The following GAREM1 variants were observed in gnomAD, a reference collection of about 807,000 sequenced individuals.
GAREM1 encodes GRB2-associated and regulator of MAPK protein 1.
Under a neutral mutation model 71.3 loss-of-function variants are expected in GAREM1, and 26 were observed. The observed-to-expected ratio is 0.36, with a 90% confidence interval of 0.27 to 0.51. GAREM1 has a LOEUF of 0.51. Ranked by LOEUF, GAREM1 falls within the 20% of genes least tolerant of loss-of-function variation. The pLI, the probability that GAREM1 is intolerant of heterozygous loss-of-function variation, is 0.95. For synonymous variants in GAREM1, 440 were observed against 433.2 expected (o/e 1.02, Z -0.20); for missense variants, 1,026 against 1,103.1 (o/e 0.93, Z 0.99).
At position 32,287,101 on chromosome 18, in the gene GAREM1, G is replaced by A. The variant is rs763060369; in HGVS notation, c.1496C>T (p.Thr499Ile). 6 of 1,614,058 alleles carry A rather than the reference G, an allele frequency of 3.7e-6. No individual in the cohort carries two copies. Among genetic ancestry groups the A allele is most frequent in the South Asian group, 2.2e-5 (2 of 91,080 alleles). The change falls in exon 4 of 6, where the codon ACT (threonine) becomes ATT (isoleucine). Residue 499 changes from threonine to isoleucine, a missense_variant. Transcript: ENST00000269209. This position sits in a 1 kb window ranked among gnomAD's most constrained non-coding sequence, Gnocchi z 5.9. ...CATSPLPIPGTLGAAVKSSDT... is the reference protein window; with the variant it reads ...CATSPLPIPGILGAAVKSSDT... ...TGAAGACTTCACTGCTGCTCCCAGA[G>A]TCCCAGGGATGGGAAGAGGAGAAGT...
At chr18:32,327,535 C>T (rs560057835) in intron 2 of GAREM1, among the ~76,000 whole-genome samples, 42 of 152,094 alleles carry the variant, frequency 2.8e-4, no homozygotes, top group African/African-American at 9.4e-4. Flanking sequence ...ATAGAGATTG[C>T]AATACCTAAA....
Position 32,270,377 on chromosome 18 carries a change from C to T in GAREM1, c.1573G>A (p.Glu525Lys). The T allele has an allele frequency of 1.2e-6, 2 of 1,611,500 alleles. No homozygotes were observed. The highest frequency in any genetic ancestry group is 8.5e-7 in the Non-Finnish European group (1 of 1,179,120). Residue 525 changes from glutamate to lysine, a missense_variant, in exon 5 of 6, where the codon GAA becomes AAA. By Grantham distance (56) the Glu-to-Lys change is moderately conservative (BLOSUM62 1). Around this residue, in one of 3 missense-constraint regions of GAREM1, gnomAD observed 636 missense variants for 631.2 expected, o/e 1.01. Coordinates refer to ENST00000269209, the MANE Select transcript of GAREM1 (RefSeq NM_001242409.2). ...GGGGCGTTCAGGAGCCGGCATTCTT[C>T]TCTGACCTGGCGCAGAAAAGAACAC... ...PVPPKSEAVREECRLLNAPPV... is the reference protein window; with the variant it reads ...PVPPKSEAVRKECRLLNAPPV...
chr18:32,392,962 A>C lies in GAREM1; in HGVS notation c.195T>G (p.Thr65=). 1.2e-6 allele frequency: 2 copies of C among 1,613,886 alleles called. No homozygotes were observed. Among genetic ancestry groups the C allele is most frequent in the Non-Finnish European group, 1.7e-6 (2 of 1,179,870 alleles). The change falls in exon 2 of 6, where the codon ACT becomes ACG. Residue 65 remains threonine (T), a synonymous_variant. Transcript: ENST00000269209. ...IHSCRQWTTI[T]AHSLEEGHYV... is the part of the protein sequence containing the mutation. ...AGTGACCCTCCTCCAAGCTGTGGGC[A>C]GTGATGGTGGTCCACTGGCGGCAGG...
At chr18:32,293,072 A>G (rs1025716392) in intron 3 of GAREM1, among the ~76,000 whole-genome samples, 2 of 152,104 alleles carry the variant, frequency 1.3e-5, no homozygotes, top group East Asian at 1.9e-4. Flanking sequence ...TGGGGTTTGG[A>G]TTGAAATTAG....
Position 32,346,895 on chromosome 18 carries a change from G to C in GAREM1, c.263-36572C>G, listed in dbSNP as rs577708290. ...AAAAGAACTTCCTACAAAAGGGAAAGAGGCCGGTCACCAGGGCTGAAGAGG... is the reference window on the plus strand; with the variant it reads ...AAAAGAACTTCCTACAAAAGGGAAACAGGCCGGTCACCAGGGCTGAAGAGG... On this transcript the variant is annotated intron_variant, in intron 2 of 5. Transcript: ENST00000269209. Among the ~76,000 whole-genome samples, 64 of 152,322 alleles carry C rather than the reference G, an allele frequency of 4.2e-4. No individual in the cohort carries two copies. The South Asian group carries it at 7.1e-3, about 17-fold the overall frequency.
At chr18:32,468,960 T>TCCCCCCCCCCCCCCCCCCCCCC (rs34977174) in intron 1 of GAREM1, among the ~76,000 whole-genome samples, 19 of 82,164 alleles carry the variant, frequency 2.3e-4, no homozygotes, top group African/African-American at 4.4e-4. Context: ...CACCTGTGCG[T>TCCCCCCCCCCCCCCCCCCCCCC]CCCCCCCCCC....
chr18:32,293,339 TC>T (rs1230005226), intron 3 of GAREM1, among the ~76,000 whole-genome samples: 1 of 152,046 alleles, frequency 6.6e-6, no homozygotes, highest in Non-Finnish European at 1.5e-5. Context: ...AGTAAGGTGC[TC>T]ATAAGATGAT....
At chr18:32,333,371 C>G (rs2047556138) in intron 2 of GAREM1, among the ~76,000 whole-genome samples, 1 of 151,954 alleles carries the variant, frequency 6.6e-6, no homozygotes, top group South Asian at 2.1e-4. Context: ...GAAGAGGAGT[C>G]CCAAGGAGAG....
At chr18:32,269,337 A>G (rs1419591837) in intron 5 of GAREM1, among the ~76,000 whole-genome samples, 2 of 152,238 alleles carry the variant, frequency 1.3e-5, no homozygotes, top group Admixed American at 6.5e-5. Context: ...GAGAACAAAA[A>G]GTACCTGCAA....
intron 1 of GAREM1, among the ~76,000 whole-genome samples, chr18:32,452,714 C>T (rs187888495): frequency 1.3e-5 from 2 of 152,270 alleles, no homozygotes; most frequent in East Asian, 3.9e-4. Context: ...GCAGCAGGCA[C>T]ATGCTCCACA....
intron 1 of GAREM1, among the ~76,000 whole-genome samples, chr18:32,395,909 C>T (rs1301098279): frequency 6.6e-6 from 1 of 152,160 alleles, no homozygotes; most frequent in Non-Finnish European, 1.5e-5. Flanking sequence ...TGGGAAGCAC[C>T]CCTGAGTAGG....
intron 1 of GAREM1, among the ~76,000 whole-genome samples, chr18:32,406,108 C>A (rs535991890): frequency 6.6e-6 from 1 of 152,316 alleles, no homozygotes; most frequent in Admixed American, 6.5e-5. Flanking sequence ...TAAAAAACTC[C>A]ATTCCTTATT....
intron 1 of GAREM1, among the ~76,000 whole-genome samples, chr18:32,399,599 G>A (rs2048291688): frequency 6.6e-6 from 1 of 152,018 alleles, no homozygotes; most frequent in Admixed American, 6.6e-5. Context: ...AAAATACCTA[G>A]GAATCCAACT....
At chr18:32,412,561 GACC>G (rs1302265033) in intron 1 of GAREM1, 1 of 1,594,964 alleles carries the variant, frequency 6.3e-7, no homozygotes, top group Non-Finnish European at 8.5e-7. Flanking sequence ...CCACCTCCAC[GACC>G]ACCACCAAAG....
At chr18:32,366,929 G>A (rs1415584838) in intron 2 of GAREM1, among the ~76,000 whole-genome samples, 1 of 152,100 alleles carries the variant, frequency 6.6e-6, no homozygotes, top group Non-Finnish European at 1.5e-5. Context: ...TGATATTAGG[G>A]TCACACACTT....
At chr18:32,319,696 C>A (rs1286966955) in intron 2 of GAREM1, among the ~76,000 whole-genome samples, 2 of 152,188 alleles carry the variant, frequency 1.3e-5, no homozygotes, top group African/African-American at 4.8e-5. Flanking sequence ...ACCCTCAGAT[C>A]TTCTTGCTGA....
chr18:32,351,616 G>A (rs1244229817), intron 2 of GAREM1, among the ~76,000 whole-genome samples: 1 of 151,980 alleles, frequency 6.6e-6, no homozygotes, highest in African/African-American at 2.4e-5. Flanking sequence ...TACACACACA[G>A]TGTCCTGATA....
chr18:32,351,383 C>A (rs1421228167), intron 2 of GAREM1, among the ~76,000 whole-genome samples: 3 of 152,046 alleles, frequency 2.0e-5, no homozygotes, highest in Admixed American at 2.0e-4. Flanking sequence ...TTGATGCAAG[C>A]AGGAGAAAAA....
chr18:32,393,526 G>A lies in GAREM1; in HGVS notation c.122-491C>T, dbSNP rs569964550. Among the ~76,000 whole-genome samples the A allele has an allele frequency of 1.1e-4, 17 of 152,258 alleles. No individual in the cohort carries two copies. The South Asian group carries it at 3.5e-3, about 32-fold the overall frequency. ...AAAGTGAGGATTCAAAGCTAGGTCA[G>A]ATAGATTGAAAGCTTATGATTTAAT... On this transcript the variant is annotated intron_variant, in intron 1 of 5. Coordinates refer to ENST00000269209, the MANE Select transcript of GAREM1 (RefSeq NM_001242409.2).
Sources: gnomAD v4.1 joint callset for allele counts (sites outside exome capture counted in the v4.1 genomes callset) on GRCh38, gnomAD v4.1.1 for gene constraint, gnomAD v4.1.1 regional missense constraint, Gnocchi (gnomAD v3.1) non-coding constraint, MANE v1.5 for transcripts, NCBI Gene and HGNC (gene_info 2026-07-23, HGNC 2026-07-21) for gene names.